The following ANKRD17 variants were observed in gnomAD, a reference collection of about 807,000 sequenced individuals.
The protein encoded by ANKRD17 is ankyrin repeat domain 17.
A neutral mutation model predicts 229.7 loss-of-function variants in ANKRD17; 19 were observed. The observed-to-expected ratio is 0.08, with a 90% CI of 0.06 to 0.12. The LOEUF is 0.12. Ranked by LOEUF, ANKRD17 falls within the 10% of genes least tolerant of loss-of-function variation. ANKRD17 has a pLI of 1.00. For missense variants in ANKRD17, 2,176 were observed against 3,176.8 expected (o/e 0.68, Z 7.57); for synonymous variants, 1,112 against 1,146.1 (o/e 0.97, Z 0.60).
chr4:73,151,338 C>A, intron 7 of ANKRD17, 92 bp downstream of exon 7: 1 of 1,113,814 alleles, frequency 9.0e-7, no homozygotes. Context: ...CAAACAGAAT[C>A]ATAGCACCCA....
chr4:73,216,992 T>C (rs1172600657), intron 1 of ANKRD17, among the ~76,000 whole-genome samples: 1 of 152,226 alleles, frequency 6.6e-6, no homozygotes, highest in Non-Finnish European at 1.5e-5. Context: ...AACTTTGTAG[T>C]GATCAAGTGA....
chr4:73,254,573 C>T (rs1745294379), intron 1 of ANKRD17, among the ~76,000 whole-genome samples: 1 of 151,938 alleles, frequency 6.6e-6, no homozygotes, highest in African/African-American at 2.4e-5. Context: ...TTCAAGACTA[C>T]CCTGGCCAAC....
intron 1 of ANKRD17, among the ~76,000 whole-genome samples, chr4:73,195,423 T>C (rs1578351265): frequency 6.6e-6 from 1 of 152,160 alleles, no homozygotes; most frequent in African/African-American, 2.4e-5. Flanking sequence ...TCTGTAAAAG[T>C]TTGTGAAGAA....
intron 23 of ANKRD17, among the ~76,000 whole-genome samples, chr4:73,114,173 T>C (rs1236424802): frequency 6.6e-6 from 1 of 152,216 alleles, no homozygotes; most frequent in Non-Finnish European, 1.5e-5. Flanking sequence ...TCATTTATCC[T>C]CTAATTTAAA....
In ANKRD17 at chr4:73,118,740, A is replaced by G. The variant is rs762482065; in HGVS notation, c.4136T>C (p.Val1379Ala). The change falls in exon 22 of 34, where the codon GTG (valine) becomes GCG (alanine). Residue 1379 changes from valine to alanine, a missense_variant. Physicochemically the swap from Val to Ala is moderately conservative, Grantham distance 64. This residue lies in a region of ANKRD17 where 178 missense variants were observed against 421.7 expected (regional missense o/e 0.42). Coordinates refer to ENST00000358602, the MANE Select transcript of ANKRD17 (RefSeq NM_032217.5). The part of the protein sequence containing the change: ...VQLLVQAGAD[V>A]DAADNRKITP... ...TATCTTGCGGTTATCTGCTGCATCC[A>G]CATCTGCACCTGCTTGCACCAGTAA... The G allele has an allele frequency of 2.3e-5, 37 of 1,614,126 alleles. No individual in the cohort carries two copies. The highest frequency in any genetic ancestry group is 3.0e-5 in the Non-Finnish European group (35 of 1,180,020).
chr4:73,087,040 A>C (rs908226236), intron 29 of ANKRD17, among the ~76,000 whole-genome samples: 1 of 144,874 alleles, frequency 6.9e-6, no homozygotes, highest in Non-Finnish European at 1.5e-5. Context: ...TCTACAATGA[A>C]GAGATCTGAT....
intron 1 of ANKRD17, among the ~76,000 whole-genome samples, chr4:73,206,479 G>A (rs933975424): frequency 6.6e-6 from 1 of 151,920 alleles, no homozygotes; most frequent in African/African-American, 2.4e-5. Flanking sequence ...AGGCAGGCAG[G>A]GAGGGAGGGA....
chr4:73,121,513 T>A, intron 19 of ANKRD17, 104 bp downstream of exon 19: 2 of 1,370,372 alleles, frequency 1.5e-6, no homozygotes, highest in Non-Finnish European at 2.1e-6. Flanking sequence ...GCCAAATTTG[T>A]AATAAAGGGA....
chr4:73,109,847 AT>A, intron 24 of ANKRD17, among the ~76,000 whole-genome samples: 1 of 152,180 alleles, frequency 6.6e-6, no homozygotes, highest in Non-Finnish European at 1.5e-5. Flanking sequence ...GGTTCTTACC[AT>A]TTATTGGTCG....
rs1485902556 is a variant in ANKRD17 at position 73,121,594 on chromosome 4, T to G, written c.3635+23A>C. 1.9e-6 allele frequency: 3 copies of G among 1,612,934 alleles called. 1 individual carries two copies. In the South Asian group the frequency reaches 3.3e-5, roughly 18 times the overall value. On this transcript the variant is annotated intron_variant, in intron 19 of 33. Coordinates refer to ENST00000358602, the MANE Select transcript of ANKRD17 (RefSeq NM_032217.5). The stretch of plus-strand genomic sequence containing the variant: ...TAACAGTCTTACTAAATAAGGGGCT[T>G]ACAGAAAGGGAATACAACTTGCCTA...
chr4:73,210,590 A>C (rs1358788473), intron 1 of ANKRD17, among the ~76,000 whole-genome samples: 1 of 152,208 alleles, frequency 6.6e-6, no homozygotes, highest in Non-Finnish European at 1.5e-5. Flanking sequence ...TTGTTGAAAC[A>C]AACAAGACCA....
At chr4:73,158,226 C>T (rs1188117228) in intron 3 of ANKRD17, among the ~76,000 whole-genome samples, 1 of 120,158 alleles carries the variant, frequency 8.3e-6, no homozygotes, top group Non-Finnish European at 1.8e-5. Flanking sequence ...ACATGTCATT[C>T]CTCTACTCAG....
At chr4:73,227,010 T>C (rs1218411416) in intron 1 of ANKRD17, among the ~76,000 whole-genome samples, 1 of 152,206 alleles carries the variant, frequency 6.6e-6, no homozygotes, top group Non-Finnish European at 1.5e-5. Context: ...AAATAATGTA[T>C]CCCCTTTAAT....
intron 3 of ANKRD17, 32 bp downstream of exon 3, chr4:73,161,160 T>C: frequency 6.2e-7 from 1 of 1,602,864 alleles, no homozygotes; most frequent in Non-Finnish European, 8.5e-7. Flanking sequence ...AAGAAAATGA[T>C]TTCATACTGA....
chr4:73,168,214 C>T lies in ANKRD17; in HGVS notation c.548-6866G>A, dbSNP rs190614415. Among the ~76,000 whole-genome samples the T allele has an allele frequency of 1.4e-3, 212 of 151,836 alleles. 2 individuals carry two copies. The highest frequency in any genetic ancestry group is 4.8e-3 in the African/African-American group (197 of 41,384). ...GATGTTTACTGAAAGCATTATTGAA[C>T]AGTATTAGGTCAGTTTTATGCTATA... On this transcript the variant is annotated intron_variant, in intron 2 of 33. Transcript: ENST00000358602.
intron 15 of ANKRD17, among the ~76,000 whole-genome samples, chr4:73,137,312 G>C (rs1182652079): frequency 1.3e-5 from 2 of 152,132 alleles, no homozygotes; most frequent in Admixed American, 6.6e-5. Flanking sequence ...GCAAGGTGTT[G>C]AGACAGGTTA....
intron 16 of ANKRD17, among the ~76,000 whole-genome samples, chr4:73,127,347 C>T (rs1006127827): frequency 3.9e-5 from 6 of 152,080 alleles, no homozygotes; most frequent in African/African-American, 1.4e-4. Flanking sequence ...GATTGCATGA[C>T]ATGTTAAAAC....
chr4:73,139,746 G>T lies in ANKRD17; in HGVS notation c.2870C>A (p.Ala957Glu). ...QMGFAPIQPL[A>E]MPQALPLAAG... ...CGCCAGAGGCAAAGCTTGAGGCATC[G>T]CCAGAGGCTGGATTGGCGCAAAACC... The change falls in exon 15 of 34, where the codon GCG becomes GAG. Residue 957 changes from alanine to glutamate, a missense_variant. Physicochemically the swap from Ala to Glu is moderately radical, Grantham distance 107 (BLOSUM62 -1). This residue lies in a region of ANKRD17 where 230 missense variants were observed against 252.3 expected (regional missense o/e 0.91). Transcript: ENST00000358602. 6.2e-7 allele frequency: 1 copy of T among 1,614,176 alleles called. No homozygotes were observed.
chr4:73,221,130 T>C (rs984863859), intron 1 of ANKRD17, among the ~76,000 whole-genome samples: 5 of 152,128 alleles, frequency 3.3e-5, no homozygotes, highest in Non-Finnish European at 5.9e-5. Flanking sequence ...GATTGACAAA[T>C]ATTTAAGTCA....
Sources: gnomAD v4.1 joint callset for allele counts (sites outside exome capture counted in the v4.1 genomes callset) on GRCh38, gnomAD v4.1.1 for gene constraint, gnomAD v4.1.1 regional missense constraint, MANE v1.5 for transcripts, NCBI Gene and HGNC (gene_info 2026-07-23, HGNC 2026-07-21) for gene names.